SETD2: variants seen among roughly 807,000 people sequenced by gnomAD.
The protein encoded by SETD2 is SET domain containing 2, histone lysine methyltransferase.
SETD2 carries 31 observed loss-of-function variants against 242.1 expected under a neutral mutation model. That is an observed-to-expected ratio of 0.13 (90% CI 0.10 to 0.17). The LOEUF is 0.17. Among genes scored for constraint, SETD2 ranks in the 10% least tolerant of loss-of-function variants. The pLI, the probability that SETD2 is intolerant of heterozygous loss-of-function variation, is 1.00. For missense variants in SETD2, 2,481 were observed against 3,046.3 expected (o/e 0.81, Z 4.37); for synonymous variants, 1,006 against 1,066.5 (o/e 0.94, Z 1.11).
intron 18 of SETD2, among the ~76,000 whole-genome samples, chr3:47,028,228 C>T (rs2038593513): frequency 6.6e-6 from 1 of 152,116 alleles, no homozygotes; most frequent in African/African-American, 2.4e-5. Context: ...CTATGATTAC[C>T]TTGGCTTTTC....
chr3:47,052,280 C>T (rs930388176), intron 15 of SETD2, among the ~76,000 whole-genome samples: 2 of 151,966 alleles, frequency 1.3e-5, no homozygotes, highest in Non-Finnish European at 2.9e-5. Flanking sequence ...AAGCAATCTT[C>T]CCACCTCAGC....
intron 1 of SETD2, among the ~76,000 whole-genome samples, chr3:47,158,750 T>G (rs1697392060): frequency 6.6e-6 from 1 of 152,184 alleles, no homozygotes; most frequent in African/African-American, 2.4e-5. Context: ...GATTGGTACT[T>G]CTAACTCCCA....
chr3:47,023,324 C>T (rs752156664), intron 18 of SETD2, among the ~76,000 whole-genome samples: 5 of 152,050 alleles, frequency 3.3e-5, no homozygotes, highest in East Asian at 1.9e-4. Flanking sequence ...TGCTTGAACC[C>T]GGGAGGTGGA....
At chr3:47,087,006 G>A (rs917279912) in intron 10 of SETD2, among the ~76,000 whole-genome samples, 2 of 149,400 alleles carry the variant, frequency 1.3e-5, no homozygotes, top group African/African-American at 2.5e-5. Context: ...GCACAACTGC[G>A]TTCCAGCCTG....
At chr3:47,050,723 C>CTTTTTTTTTTTTTTTTTTTTTTTTTT (rs775259096) in intron 15 of SETD2, among the ~76,000 whole-genome samples, 1 of 66,878 alleles carries the variant, frequency 1.5e-5, no homozygotes, top group Non-Finnish European at 2.6e-5. Context: ...TTTCCTCTCT[C>CTTTTTTTTTTTTTTTTTTTTTTTTTT]TTTTTTTTTT....
intron 16 of SETD2, among the ~76,000 whole-genome samples, chr3:47,043,889 A>G (rs2039396915): frequency 1.3e-5 from 2 of 152,178 alleles, no homozygotes; most frequent in Non-Finnish European, 2.9e-5. Flanking sequence ...GTTTAAGGCA[A>G]AAAAGAAAAA....
chr3:47,163,734 AGGCCACCGTG>A, intron 1 of SETD2, 110 bp downstream of exon 1: 1 of 728,174 alleles, frequency 1.4e-6, no homozygotes, highest in East Asian at 6.4e-5. Context: ...CGACCGCGCG[AGGCCACCGTG>A]GGCCTGTTAC....
intron 16 of SETD2, among the ~76,000 whole-genome samples, chr3:47,045,635 T>G (rs2039489339): frequency 6.8e-6 from 1 of 146,420 alleles, no homozygotes; most frequent in Admixed American, 6.9e-5. Context: ...GAAGTGGAGG[T>G]TGCAGTGAGC....
intron 1 of SETD2, among the ~76,000 whole-genome samples, chr3:47,156,925 C>T (rs995636616): frequency 3.3e-5 from 5 of 151,982 alleles, no homozygotes; most frequent in African/African-American, 9.7e-5. Context: ...GACAGGAGTT[C>T]GAGACCAGCC....
intron 1 of SETD2, among the ~76,000 whole-genome samples, chr3:47,162,731 C>T (rs1046408030): frequency 5.3e-5 from 8 of 152,154 alleles, no homozygotes; most frequent in African/African-American, 1.7e-4. Context: ...TCATGTGAAA[C>T]CCCTATCAAC....
At chr3:47,043,398 C>T (rs1293669038) in intron 16 of SETD2, among the ~76,000 whole-genome samples, 1 of 152,180 alleles carries the variant, frequency 6.6e-6, no homozygotes, top group Non-Finnish European at 1.5e-5. Context: ...AGCAAGAAGG[C>T]AGCCATTTGC....
intron 13 of SETD2, among the ~76,000 whole-genome samples, chr3:47,064,300 T>C (rs1448286755): frequency 6.6e-6 from 1 of 152,194 alleles, no homozygotes; most frequent in African/African-American, 2.4e-5. Context: ...GTATGAGCAT[T>C]CGTCAACAAG....
intron 18 of SETD2, 84 bp from the exon 19 acceptor site, chr3:47,019,924 T>C (rs2038144345): frequency 8.5e-7 from 1 of 1,172,780 alleles, no homozygotes; most frequent in African/African-American, 1.5e-5. Context: ...CCTCCTTTCT[T>C]TCCCCTAGCA....
intron 13 of SETD2, 37 bp from the exon 14 acceptor site, chr3:47,062,383 T>C: frequency 2.6e-6 from 4 of 1,510,342 alleles, no homozygotes; most frequent in Non-Finnish European, 3.6e-6. Flanking sequence ...TTTTTTTTTT[T>C]TTAAGTTTAT....
At chr3:47,125,001 G>C (rs2043269406) in intron 2 of SETD2, among the ~76,000 whole-genome samples, 1 of 152,082 alleles carries the variant, frequency 6.6e-6, no homozygotes, top group South Asian at 2.1e-4. Context: ...TGGTCTCCTG[G>C]CATCACATGG....
intron 12 of SETD2, among the ~76,000 whole-genome samples, chr3:47,073,015 C>T (rs1402818507): frequency 6.7e-6 from 1 of 150,124 alleles, no homozygotes; most frequent in South Asian, 2.1e-4. Context: ...CTGGGCATGG[C>T]AGCCCATGCC....
chr3:47,059,108 CT>C (rs111615859), intron 14 of SETD2, among the ~76,000 whole-genome samples: 59,101 of 105,580 alleles, frequency 0.56, 15,460 homozygotes, highest in East Asian at 0.67. Context: ...CACGCCTGGC[CT>C]TTTTTTTTTT....
In SETD2 at chr3:47,067,056, C is replaced by T. The variant is rs2107600104; in HGVS notation, c.6109+14G>A. ...TTGTAAAGCCATCAACACAGAGTAT[C>T]TCTGAATACCTACTTGTGTTTTCCT... On this transcript the variant is annotated intron_variant, in intron 13 of 20. Transcript: ENST00000409792. 3.8e-6 allele frequency: 6 copies of T among 1,592,860 alleles called. No homozygotes were observed. Among genetic ancestry groups the T allele is most frequent in the Non-Finnish European group, 5.2e-6 (6 of 1,161,248 alleles).
rs752087228 is a variant in SETD2, at chr3:47,120,827, G to A, written c.3809C>T (p.Thr1270Met). Residue 1270 changes from threonine (T) to methionine (M), a missense_variant, in exon 3 of 21, where the codon ACG (threonine) becomes ATG (methionine). Thr to Met is a moderately conservative substitution (Grantham distance 81, BLOSUM62 -1). Around this residue, in one of 17 missense-constraint regions of SETD2, gnomAD observed 1,300 missense variants for 1,259.2 expected, o/e 1.03. Transcript: ENST00000409792. ...WDFSQEKPST[T>M]YQQPDSSYGA... ...ATAGCTACTGTCAGGTTGCTGATAC[G>A]TGGTAGAAGGCTTTTCTTGAGAGAA... The A allele has an allele frequency of 2.0e-5, 33 of 1,614,196 alleles. No individual in the cohort carries two copies. Among genetic ancestry groups the A allele is most frequent in the Admixed American group, 3.3e-5 (2 of 60,026 alleles).
Sources: gnomAD v4.1 joint callset for allele counts (sites outside exome capture counted in the v4.1 genomes callset) on GRCh38, gnomAD v4.1.1 for gene constraint, gnomAD v4.1.1 regional missense constraint, MANE v1.5 for transcripts, NCBI Gene and HGNC (gene_info 2026-07-23, HGNC 2026-07-21) for gene names.